The following DNMT3A variants were observed in gnomAD, a reference collection of about 807,000 sequenced individuals.
DNMT3A encodes DNA (cytosine-5)-methyltransferase 3A.
A neutral mutation model predicts 117.6 loss-of-function variants in DNMT3A; 267 were observed. The observed-to-expected ratio is 2.27, with a 90% CI of 2.05 to 2.51. DNMT3A has a LOEUF of 2.51. DNMT3A is among the 30% of genes most tolerant of loss of function. The pLI is 0.00. For synonymous variants in DNMT3A, 432 were observed against 474.8 expected, an observed-to-expected ratio of 0.91 and a Z score of 1.17; for missense variants, 1,029 against 1,260.2, an observed-to-expected ratio of 0.82 and a Z score of 2.78.
Position 25,252,663 on chromosome 2 carries a change from C to T in DNMT3A, c.640-4411G>A, listed in dbSNP as rs1675735133. Among the ~76,000 whole-genome samples, 3 of 152,056 alleles carry T rather than the reference C, an allele frequency of 2.0e-5. No homozygotes were observed. The highest frequency in any genetic ancestry group is 4.4e-5 in the Non-Finnish European group (3 of 67,986). The stretch of plus-strand genomic sequence containing the variant: ...AGGGAAGGGGCTGCTCCCGAGCCGC[C>T]TGCCCGGAGGGAGCCGGGGGTCCGG... On this transcript the variant is annotated intron_variant, in intron 6 of 22. Coordinates refer to ENST00000321117, the MANE Select transcript of DNMT3A (RefSeq NM_022552.5). This position sits in a 1 kb window ranked among gnomAD's most constrained non-coding sequence, Gnocchi z 5.5.
At chr2:25,263,108 A>AT (rs1052665690) in intron 6 of DNMT3A, among the ~76,000 whole-genome samples, 9 of 151,752 alleles carry the variant, frequency 5.9e-5, no homozygotes, top group South Asian at 2.1e-4. Flanking sequence ...CTAATTAAAT[A>AT]TTTTTTTTGT....
chr2:25,315,045 C>CA (rs1234804504), intron 1 of DNMT3A, among the ~76,000 whole-genome samples: 1 of 152,218 alleles, frequency 6.6e-6, no homozygotes, highest in Non-Finnish European at 1.5e-5. Flanking sequence ...AGGCGGCCGC[C>CA]AAGCCCCTGC....
chr2:25,297,100 G>A (rs1289077289), intron 3 of DNMT3A, among the ~76,000 whole-genome samples: 1 of 152,142 alleles, frequency 6.6e-6, no homozygotes, highest in African/African-American at 2.4e-5. Flanking sequence ...AGGGGAAGAG[G>A]CCAGGACCAG....
chr2:25,230,650 T>C lies in DNMT3A; in HGVS notation c.*3629A>G, dbSNP rs1186170660. On this transcript the variant is annotated 3_prime_UTR_variant, in exon 23 of 23. Transcript: ENST00000321117. ...ATACCTGTCCCCAGAGGCCCCAGCG[T>C]TGAGGTGGATTAAGCATATCTCAGC... The C allele has an allele frequency of 2.0e-5, 3 of 152,442 alleles. No individual in the cohort carries two copies. The highest frequency in any genetic ancestry group is 4.4e-5 in the Non-Finnish European group (3 of 68,256). 9.4% of individuals were successfully genotyped at this position (152,442 alleles called of 1,614,324 possible). A position where few individuals can be genotyped will look rare whatever the true frequency, so the allele number is the denominator to read the frequency against.
chr2:25,285,765 G>A (rs1414523518), intron 3 of DNMT3A, among the ~76,000 whole-genome samples: 1 of 152,220 alleles, frequency 6.6e-6, no homozygotes, highest in Non-Finnish European at 1.5e-5. Flanking sequence ...CCCTGCTTAA[G>A]CAAAGAGGGC....
intron 2 of DNMT3A, among the ~76,000 whole-genome samples, chr2:25,310,343 A>G (rs1205855709): frequency 1.2e-5 from 1 of 82,668 alleles, no homozygotes; most frequent in Non-Finnish European, 2.4e-5. Flanking sequence ...CCCACCCTCC[A>G]TGAGGCCAGC....
At position 25,247,605 on chromosome 2, in the gene DNMT3A, CGTCT is replaced by C; in HGVS notation, c.996_999del (p.Asp333AlafsTer11). On this transcript the variant is annotated frameshift_variant, in exon 8 of 23. Coordinates refer to ENST00000321117, the MANE Select transcript of DNMT3A (RefSeq NM_022552.5). LOFTEE classifies it high-confidence loss of function. This position sits in a 1 kb window ranked among gnomAD's most constrained non-coding sequence, Gnocchi z 5.6. ...CCACAACTTACCACTGAGAATTTGCCGTCTCCGAACCACATGACCCAGCGGGTGC... is the reference window on the plus strand; with the variant it reads ...CCACAACTTACCACTGAGAATTTGCCCCGAACCACATGACCCAGCGGGTGC... The C allele has an allele frequency of 6.2e-7, 1 of 1,614,012 alleles. No individual in the cohort carries two copies. Among genetic ancestry groups the C allele is most frequent in the Non-Finnish European group, 8.5e-7 (1 of 1,179,974 alleles).
chr2:25,282,394 T>A lies in DNMT3A; in HGVS notation c.448+47A>T, dbSNP rs745720212. The A allele has an allele frequency of 1.4e-5, 22 of 1,589,820 alleles. No homozygotes were observed. The highest frequency in any genetic ancestry group is 1.8e-5 in the Non-Finnish European group (21 of 1,168,312). ...AGAGCCAAGTCCCTGACTCTCAGGG[T>A]ATGCTGGTGGGCCCAGAAGAGGCTG... On this transcript the variant is annotated intron_variant, in intron 4 of 22. Coordinates refer to ENST00000321117, the MANE Select transcript of DNMT3A (RefSeq NM_022552.5). This position sits in a 1 kb window ranked among gnomAD's most constrained non-coding sequence, Gnocchi z 5.2.
chr2:25,258,032 C>A (rs997244054), intron 6 of DNMT3A, among the ~76,000 whole-genome samples: 8 of 152,364 alleles, frequency 5.3e-5, no homozygotes, highest in African/African-American at 1.9e-4. Flanking sequence ...CCTTTCCCAC[C>A]TGCTCCCTGA....
In DNMT3A at chr2:25,298,219, A is replaced by G. The variant is rs546801458; in HGVS notation, c.177+1920T>C. Reference sequence around the variant, plus strand: ...TTGAACTCAGGTCTCTTGGACCCCAAAGACAGTGTTTTTCCTTCTGCCCTG... The same window carrying G: ...TTGAACTCAGGTCTCTTGGACCCCAGAGACAGTGTTTTTCCTTCTGCCCTG... On this transcript the variant is annotated intron_variant, in intron 3 of 22. Transcript: ENST00000321117. This position sits in a 1 kb window ranked among gnomAD's most constrained non-coding sequence, Gnocchi z 4.3. Among the ~76,000 whole-genome samples, 1 of 152,296 alleles carries G rather than the reference A, an allele frequency of 6.6e-6. No individual in the cohort carries two copies. The highest frequency in any genetic ancestry group is 2.4e-5 in the African/African-American group (1 of 41,564).
rs2033211058 is a variant in DNMT3A at position 25,298,227 on chromosome 2, G to GT, written c.177+1911dup. ...AGGTCTCTTGGACCCCAAAGACAGT[G>GT]TTTTTCCTTCTGCCCTGGAGCGTGC... On this transcript the variant is annotated intron_variant, in intron 3 of 22. Coordinates refer to ENST00000321117, the MANE Select transcript of DNMT3A (RefSeq NM_022552.5). The surrounding 1 kb of genome is among the most constrained non-coding windows in gnomAD (Gnocchi z 4.3). 1.3e-5 allele frequency among the ~76,000 whole-genome samples: 2 copies of GT among 152,328 alleles called. No homozygotes were observed. Among genetic ancestry groups the GT allele is most frequent in the African/African-American group, 4.8e-5 (2 of 41,574 alleles).
Position 25,337,567 on chromosome 2 carries a change from G to T in DNMT3A, c.-178+4259C>A, listed in dbSNP as rs966283170. ...CAGAGTGCAGCTCCCTGTGACTCGAGGGCCTCAAGCTGCCTTGACACTGGC... is the reference window on the plus strand; with the variant it reads ...CAGAGTGCAGCTCCCTGTGACTCGATGGCCTCAAGCTGCCTTGACACTGGC... On this transcript the variant is annotated intron_variant, in intron 1 of 22. Coordinates refer to ENST00000321117, the MANE Select transcript of DNMT3A (RefSeq NM_022552.5). This position sits in a 1 kb window ranked among gnomAD's most constrained non-coding sequence, Gnocchi z 5.0. 2.0e-5 allele frequency among the ~76,000 whole-genome samples: 3 copies of T among 152,164 alleles called. No individual in the cohort carries two copies. The highest frequency in any genetic ancestry group is 7.2e-5 in the African/African-American group (3 of 41,438).
intron 6 of DNMT3A, among the ~76,000 whole-genome samples, chr2:25,267,811 G>T (rs934308959): frequency 2.0e-5 from 3 of 152,212 alleles, no homozygotes; most frequent in Non-Finnish European, 4.4e-5. Context: ...GGGGCAGGGG[G>T]TGCCCAGAAT....
In DNMT3A at chr2:25,245,303, CAT is replaced by C; in HGVS notation, c.1502_1503del (p.Asn501SerfsTer44). On this transcript the variant is annotated frameshift_variant, in exon 13 of 23. Transcript: ENST00000321117. LOFTEE classifies it high-confidence loss of function. ...EDICISCGSLNVTLEHPLFVG... is the reference protein window; with the variant it reads ...EDICISCGSLXVTLEHPLFVG... Reference sequence around the variant, plus strand: ...ACGAAGAGGGGGTGTTCCAGGGTAACATTGAGGCTCCCACAGGAGATGCAGAT... The same window carrying C: ...ACGAAGAGGGGGTGTTCCAGGGTAACTGAGGCTCCCACAGGAGATGCAGAT... The C allele has an allele frequency of 6.2e-7, 1 of 1,613,948 alleles. No individual in the cohort carries two copies. The highest frequency in any genetic ancestry group is 8.5e-7 in the Non-Finnish European group (1 of 1,179,982).
rs2031945079 is a variant in DNMT3A, at chr2:25,282,372, G to A, written c.448+69C>T. On this transcript the variant is annotated intron_variant, in intron 4 of 22. Transcript: ENST00000321117. The surrounding 1 kb of genome is among the most constrained non-coding windows in gnomAD (Gnocchi z 5.2). The stretch of plus-strand genomic sequence containing the variant: ...CATCCTTCCTGGGACCTGCTGGAGA[G>A]CCAAGTCCCTGACTCTCAGGGTATG... The A allele has an allele frequency of 1.3e-6, 2 of 1,559,660 alleles. No individual in the cohort carries two copies. The highest frequency in any genetic ancestry group is 8.7e-7 in the Non-Finnish European group (1 of 1,150,936).
At chr2:25,269,467 C>T (rs545093310) in intron 6 of DNMT3A, among the ~76,000 whole-genome samples, 3 of 152,308 alleles carry the variant, frequency 2.0e-5, no homozygotes, top group African/African-American at 7.2e-5. Context: ...CTGGGGAAAT[C>T]ACAGCAGGAA....
chr2:25,277,610 A>G lies in DNMT3A; in HGVS notation c.449-2067T>C, dbSNP rs373327634. Among the ~76,000 whole-genome samples, 34 of 152,312 alleles carry G rather than the reference A, an allele frequency of 2.2e-4. 2 individuals carry two copies. The highest frequency in any genetic ancestry group is 7.2e-4 in the African/African-American group (30 of 41,566). On this transcript the variant is annotated intron_variant, in intron 4 of 22. Coordinates refer to ENST00000321117, the MANE Select transcript of DNMT3A (RefSeq NM_022552.5). ...GCATTTTCTCCCCAGCCCGCTTTAG[A>G]ACCTCAAACGTTTCCTACTTGGGAC...
At position 25,282,665 on chromosome 2, in the gene DNMT3A, G is replaced by A. The variant is rs750339895; in HGVS notation, c.224C>T (p.Ser75Phe). 3.8e-6 allele frequency: 6 copies of A among 1,587,270 alleles called. No individual in the cohort carries two copies. Among genetic ancestry groups the A allele is most frequent in the Non-Finnish European group, 5.1e-6 (6 of 1,167,296 alleles). ...GCCTGAGTCCTGGGCCATGGATGGG[G>A]ACTTGGAGATCACCGCAGGGTCCTT... is the stretch of plus-strand genomic sequence containing the variant. Reference protein sequence around the residue: ...TPKDPAVISKSPSMAQDSGAS... With the variant: ...TPKDPAVISKFPSMAQDSGAS... Residue 75 changes from serine (S) to phenylalanine (F), a missense_variant, in exon 4 of 23, where the codon TCC (serine) becomes TTC (phenylalanine). Coordinates refer to ENST00000321117, the MANE Select transcript of DNMT3A (RefSeq NM_022552.5). This position sits in a 1 kb window ranked among gnomAD's most constrained non-coding sequence, Gnocchi z 5.2.
chr2:25,330,712 G>C (rs537106084), intron 1 of DNMT3A, among the ~76,000 whole-genome samples: 1 of 152,330 alleles, frequency 6.6e-6, no homozygotes, highest in South Asian at 2.1e-4. Flanking sequence ...CAAGGTCCCA[G>C]CTGTGGTCCC....
Sources: allele counts gnomAD v4.1 joint callset (sites outside exome capture counted in the v4.1 genomes callset), GRCh38; gene constraint gnomAD v4.1.1; non-coding constraint Gnocchi (gnomAD v3.1); transcripts MANE v1.5; gene names NCBI Gene and HGNC (gene_info 2026-07-23, HGNC 2026-07-21).